The following USP39 variants were observed in gnomAD, a reference collection of about 807,000 sequenced individuals.
USP39 encodes ubiquitin carboxyl-terminal hydrolase 39.
Under a neutral mutation model 66.4 loss-of-function variants are expected in USP39, and 38 were observed. The observed-to-expected ratio is 0.57, with a 90% confidence interval of 0.44 to 0.75. The LOEUF (loss-of-function observed/expected upper bound fraction) is 0.75. Among genes scored for constraint, USP39 ranks in the 30% least tolerant of loss-of-function variants. The probability of loss-of-function intolerance (pLI) is 0.00; values close to 1 mark genes in which losing one functional copy is unlikely to be tolerated. For synonymous variants in USP39, 303 were observed against 274.6 expected (o/e 1.10, Z -1.02); for missense variants, 608 against 714.4 (o/e 0.85, Z 1.70).
upstream of USP39, chr2:85,611,373 T>C: frequency 6.9e-7 from 1 of 1,451,798 alleles, no homozygotes. Flanking sequence ...GACTTTCTCT[T>C]TGCTAGGTAG....
chr2:85,614,288 C>T (rs543743879), upstream of USP39, among the ~76,000 whole-genome samples: 57 of 152,134 alleles, frequency 3.7e-4, no homozygotes, highest in East Asian at 8.9e-3. Context: ...GGGAGGCGGG[C>T]GGATCACTTG....
chr2:85,649,266 T>C lies in USP39; in HGVS notation c.*458T>C, dbSNP rs1676884074. ...TTGTATTTTTAGATGGATTAAATAG[T>C]CTCCTGTTTTTAAACCAGCCTCTTG... On this transcript the variant is annotated 3_prime_UTR_variant, in exon 13 of 13. Coordinates refer to ENST00000323701, the MANE Select transcript of USP39 (RefSeq NM_006590.4). 1 of 155,486 alleles carries C rather than the reference T, an allele frequency of 6.4e-6. No individual in the cohort carries two copies. The highest frequency in any genetic ancestry group is 2.4e-5 in the African/African-American group (1 of 41,472). 9.6% of individuals were successfully genotyped at this position (155,486 alleles called of 1,614,324 possible). A position where few individuals can be genotyped will look rare whatever the true frequency, so the allele number is the denominator to read the frequency against.
intron 5 of USP39, among the ~76,000 whole-genome samples, chr2:85,629,979 T>A (rs1391918803): frequency 1.3e-5 from 2 of 151,790 alleles, no homozygotes; most frequent in South Asian, 2.1e-4. Flanking sequence ...AAAAAAAAAA[T>A]TTCAGTAGGT....
At chr2:85,617,399 C>G (rs751164262) in intron 1 of USP39, among the ~76,000 whole-genome samples, 2 of 152,190 alleles carry the variant, frequency 1.3e-5, no homozygotes, top group African/African-American at 4.8e-5. Context: ...CCATTAGTCT[C>G]TTGAGTTTGT....
chr2:85,604,887 C>G (rs1005919022), intron 1 of USP39, among the ~76,000 whole-genome samples: 10 of 152,194 alleles, frequency 6.6e-5, no homozygotes, highest in African/African-American at 2.4e-4. Flanking sequence ...GGGGGCAAGG[C>G]ATAGTAGTCC....
Position 85,648,850 on chromosome 2 carries a change from G to A in USP39, c.*42G>A. ...TTTGCTCCCAAGGGCTGTGGCTGAT[G>A]ATGGTAAATAAGAACACAGAAGCTG... On this transcript the variant is annotated 3_prime_UTR_variant, in exon 13 of 13. Transcript: ENST00000323701. 1 of 1,611,140 alleles carries A rather than the reference G, an allele frequency of 6.2e-7. No individual in the cohort carries two copies. Among genetic ancestry groups the A allele is most frequent in the Non-Finnish European group, 8.5e-7 (1 of 1,178,296 alleles).
chr2:85,610,744 C>T (rs1673453286), upstream of USP39: 1 of 150,182 alleles, frequency 6.7e-6, no homozygotes, highest in African/African-American at 2.5e-5. Flanking sequence ...CGTGGAGAAA[C>T]CCCTTCTCTC....
At position 85,641,118 on chromosome 2, in the gene USP39, C is replaced by T. The variant is rs749242731; in HGVS notation, c.1427C>T (p.Thr476Ile). 16 of 1,612,370 alleles carry T rather than the reference C, an allele frequency of 9.9e-6. No homozygotes were observed. The highest frequency in any genetic ancestry group is 3.4e-5 in the Admixed American group (2 of 59,534). Residue 476 changes from threonine (T) to isoleucine (I), a missense_variant and splice_region_variant, in exon 10 of 13, where the codon ACA becomes ATA. Transcript: ENST00000323701. ...CCAACTATTGTCAATTTCCCTATTA[C>T]GTAAGTAACATCCTGCCTCACTTCT... ...KNPTIVNFPI[T>I]NVDLREYLSE...
intron 2 of USP39, among the ~76,000 whole-genome samples, chr2:85,620,335 C>T (rs1056339358): frequency 6.6e-6 from 1 of 151,584 alleles, no homozygotes; most frequent in Non-Finnish European, 1.5e-5. Flanking sequence ...AAAAATTAGC[C>T]AGGTGTGGTG....
upstream of USP39, among the ~76,000 whole-genome samples, chr2:85,610,006 G>GT (rs1673405461): frequency 1.4e-5 from 2 of 138,892 alleles, no homozygotes; most frequent in South Asian, 2.3e-4. Context: ...TGGGTCCAGT[G>GT]TAAGTGGTTT....
At chr2:85,604,834 A>C (rs1369237299) in intron 1 of USP39, among the ~76,000 whole-genome samples, 1 of 152,240 alleles carries the variant, frequency 6.6e-6, no homozygotes, top group East Asian at 1.9e-4. Flanking sequence ...CTATCCAATC[A>C]AGATGAAGGC....
chr2:85,631,110 G>T (rs1270953374), intron 6 of USP39, among the ~76,000 whole-genome samples, 164 bp downstream of exon 6: 1 of 152,012 alleles, frequency 6.6e-6, no homozygotes, highest in Non-Finnish European at 1.5e-5. Context: ...CACTTCCAGG[G>T]TTCAAGCGAT....
upstream of USP39, chr2:85,609,160 A>G (rs1673342436): frequency 6.6e-7 from 1 of 1,520,876 alleles, no homozygotes; most frequent in Non-Finnish European, 8.9e-7. Context: ...AACTCCATTT[A>G]GCTCAAGGCT....
intron 6 of USP39, among the ~76,000 whole-genome samples, chr2:85,635,145 G>T (rs1675660174): frequency 6.6e-6 from 1 of 152,218 alleles, no homozygotes; most frequent in African/African-American, 2.4e-5. Flanking sequence ...ATTCTATGGA[G>T]TTGTTAGAGG....
At chr2:85,622,655 G>C (rs1331753091) in intron 3 of USP39, among the ~76,000 whole-genome samples, 1 of 148,048 alleles carries the variant, frequency 6.8e-6, no homozygotes, top group Non-Finnish European at 1.5e-5. Flanking sequence ...TTAGCTCAAA[G>C]GACTTTTTTT....
chr2:85,648,103 A>G, intron 12 of USP39, 87 bp downstream of exon 12: 2 of 1,440,344 alleles, frequency 1.4e-6, no homozygotes, highest in Non-Finnish European at 1.9e-6. Context: ...AGAGGGATAG[A>G]GTTAGGACCT....
At chr2:85,620,620 A>T (rs1674388896) in intron 2 of USP39, among the ~76,000 whole-genome samples, 1 of 152,188 alleles carries the variant, frequency 6.6e-6, no homozygotes, top group African/African-American at 2.4e-5. Flanking sequence ...GTATCAGGAT[A>T]TGGAACCTGA....
chr2:85,645,742 G>C (rs138907544), intron 11 of USP39: 102 of 152,334 alleles, frequency 6.7e-4, no homozygotes, highest in African/African-American at 2.3e-3. Context: ...TCAGCATTAA[G>C]GTTAAAGGCT....
chr2:85,648,048 A>G (rs776159040), intron 12 of USP39, 32 bp downstream of exon 12: 2 of 1,611,746 alleles, frequency 1.2e-6, no homozygotes, highest in Non-Finnish European at 1.7e-6. Flanking sequence ...TGAGCCACAA[A>G]TAGGTGGCGT....
Sources: allele counts gnomAD v4.1 joint callset (sites outside exome capture counted in the v4.1 genomes callset), GRCh38; gene constraint gnomAD v4.1.1; transcripts MANE v1.5; gene names NCBI Gene and HGNC (gene_info 2026-07-23, HGNC 2026-07-21).